NBAS: variants seen among roughly 807,000 people sequenced by gnomAD.
NBAS encodes NAG/BC035112 fusion.
In NBAS, 219 loss-of-function variants were observed where a neutral mutation model predicts 302.5. That is an observed-to-expected ratio of 0.72 (90% CI 0.65 to 0.81). The LOEUF (loss-of-function observed/expected upper bound fraction) is 0.81, where lower values mean the gene tolerates loss of function less well. Among genes scored for constraint, NBAS ranks in the 30% least tolerant of loss-of-function variants. The pLI, the probability that NBAS is intolerant of heterozygous loss-of-function variation, is 0.00. For missense variants in NBAS, 2,932 were observed against 2,841.6 expected (o/e 1.03, Z -0.72); for synonymous variants, 1,118 against 1,021.6 (o/e 1.09, Z -1.80).
chr2:15,423,655 C>T (rs1160827390), intron 23 of NBAS, among the ~76,000 whole-genome samples: 1 of 152,102 alleles, frequency 6.6e-6, no homozygotes, highest in East Asian at 1.9e-4. Flanking sequence ...AAAGTGAAGA[C>T]TGAACGTGGA....
At chr2:14,835,807 G>A in the NBAS span, among the ~76,000 whole-genome samples, 2 of 151,900 alleles carry the variant, frequency 1.3e-5, no homozygotes, top group African/African-American at 2.4e-5. Context: ...TCTAACAGAC[G>A]TTTCTGTTGG....
intron 21 of NBAS, among the ~76,000 whole-genome samples, chr2:15,434,825 A>G (rs1049387000): frequency 6.6e-6 from 1 of 152,216 alleles, no homozygotes; most frequent in African/African-American, 2.4e-5. Context: ...AGGATTGATG[A>G]GAATAATCCT....
chr2:14,975,818 T>C, the NBAS span, among the ~76,000 whole-genome samples: 1 of 148,780 alleles, frequency 6.7e-6, no homozygotes, highest in South Asian at 2.1e-4. Flanking sequence ...TGTTTCATCA[T>C]GACTGGTAGA....
rs1236981470 is a variant in NBAS at position 15,504,267 on chromosome 2, T to TA, written c.886-55dup. On this transcript the variant is annotated intron_variant, in intron 10 of 51. Transcript: ENST00000281513. The stretch of plus-strand genomic sequence containing the variant: ...AGATTACTGAAATGACTTATCGTTG[T>TA]AAAATGTCCCTTTATAATGAAATGA... 13 of 1,375,070 alleles carry TA rather than the reference T, an allele frequency of 9.5e-6. 1 individual carries two copies. In the Admixed American group the frequency reaches 1.5e-4, roughly 16 times the overall value. 85.2% of individuals were successfully genotyped at this position (1,375,070 alleles called of 1,614,324 possible).
chr2:15,376,907 T>C (rs1674771499), intron 30 of NBAS, among the ~76,000 whole-genome samples: 1 of 152,114 alleles, frequency 6.6e-6, no homozygotes, highest in South Asian at 2.1e-4. Context: ...CTCCAATTGC[T>C]ACCATAATCA....
At chr2:14,929,754 A>G in the NBAS span, among the ~76,000 whole-genome samples, 1 of 152,042 alleles carries the variant, frequency 6.6e-6, no homozygotes, top group Non-Finnish European at 1.5e-5. Flanking sequence ...TTCCTAGCAC[A>G]TGGGTTGCTA....
intron 13 of NBAS, among the ~76,000 whole-genome samples, 173 bp from the exon 14 acceptor site, chr2:15,476,053 T>C (rs1318792749): frequency 6.6e-6 from 1 of 152,198 alleles, no homozygotes; most frequent in African/African-American, 2.4e-5. Context: ...AATTTTACTC[T>C]ATGAGGTATA....
chr2:14,986,919 T>A, the NBAS span, among the ~76,000 whole-genome samples: 4 of 152,030 alleles, frequency 2.6e-5, no homozygotes, highest in Non-Finnish European at 4.4e-5. Context: ...AGGTGAGAAA[T>A]TTTTATTTTT....
At chr2:14,840,141 T>C in the NBAS span, among the ~76,000 whole-genome samples, 2 of 151,590 alleles carry the variant, frequency 1.3e-5, no homozygotes, top group African/African-American at 4.8e-5. Context: ...ATTTGCCAAA[T>C]TGAAAAATTA....
chr2:15,132,437 G>A, the NBAS span, among the ~76,000 whole-genome samples: 1 of 152,160 alleles, frequency 6.6e-6, no homozygotes, highest in Non-Finnish European at 1.5e-5. Context: ...ATGAATAGGT[G>A]GAGGATTTTT....
chr2:15,179,232 G>C, intron 50 of NBAS, 116 bp from the exon 51 acceptor site: 1 of 1,482,842 alleles, frequency 6.7e-7, no homozygotes, highest in Non-Finnish European at 9.3e-7. Flanking sequence ...TGTGTGTAAA[G>C]CCACATATGG....
intron 9 of NBAS, among the ~76,000 whole-genome samples, chr2:15,512,023 C>T (rs1477917035): frequency 6.6e-6 from 1 of 152,164 alleles, no homozygotes; most frequent in African/African-American, 2.4e-5. Context: ...ATGTTCAGTA[C>T]TTCTGGCAGG....
At chr2:14,788,429 G>A in the NBAS span, among the ~76,000 whole-genome samples, 1 of 152,084 alleles carries the variant, frequency 6.6e-6, no homozygotes, top group Non-Finnish European at 1.5e-5. Context: ...TTTCTGCTCT[G>A]TTTTTTCCCC....
chr2:14,956,467 G>A, the NBAS span, among the ~76,000 whole-genome samples: 4 of 152,074 alleles, frequency 2.6e-5, no homozygotes, highest in African/African-American at 9.7e-5. Context: ...AGAACCCCAC[G>A]CTCTGTAGTA....
At chr2:15,111,289 G>A in the NBAS span, among the ~76,000 whole-genome samples, 8 of 152,014 alleles carry the variant, frequency 5.3e-5, no homozygotes, top group Non-Finnish European at 8.8e-5. Context: ...AACTAAGAGA[G>A]CAAAAAGTAG....
chr2:15,349,672 G>A (rs1673256641), intron 35 of NBAS, among the ~76,000 whole-genome samples: 1 of 152,130 alleles, frequency 6.6e-6, no homozygotes, highest in Non-Finnish European at 1.5e-5. Context: ...TACAATTTAA[G>A]GTTGGATGCA....
intron 35 of NBAS, among the ~76,000 whole-genome samples, chr2:15,331,628 T>C (rs1303610300): frequency 6.6e-6 from 1 of 152,216 alleles, no homozygotes. Flanking sequence ...TATCATGTTA[T>C]TCATTAAGAC....
intron 30 of NBAS, among the ~76,000 whole-genome samples, chr2:15,378,326 T>C (rs905350804): frequency 6.6e-6 from 1 of 151,928 alleles, no homozygotes; most frequent in Non-Finnish European, 1.5e-5. Flanking sequence ...ATGTCCAGGG[T>C]ACAAATGGAA....
At chr2:15,033,881 G>C in the NBAS span, among the ~76,000 whole-genome samples, 1 of 151,754 alleles carries the variant, frequency 6.6e-6, no homozygotes. Flanking sequence ...CTAGGGGGCA[G>C]AGTTTGCAGT....
Sources: allele counts gnomAD v4.1 joint callset (sites outside exome capture counted in the v4.1 genomes callset), GRCh38; gene constraint gnomAD v4.1.1; transcripts MANE v1.5; gene names NCBI Gene and HGNC (gene_info 2026-07-23, HGNC 2026-07-21).